Variants in FRG1 observed in about 807,000 individuals in gnomAD.
The protein encoded by FRG1 is FSHD region gene 1.
A neutral mutation model predicts 37.0 loss-of-function variants in FRG1; 19 were observed. That is an observed-to-expected ratio of 0.51 (90% CI 0.36 to 0.75). The LOEUF (loss-of-function observed/expected upper bound fraction) is 0.75, where lower values mean the gene tolerates loss of function less well. Ranked by LOEUF, FRG1 falls within the 30% of genes least tolerant of loss-of-function variation. FRG1 has a pLI of 0.00. For synonymous variants in FRG1, 73 were observed against 96.5 expected (o/e 0.76, Z 1.43); for missense variants, 243 against 301.4 (o/e 0.81, Z 1.44).
chr4:189,952,298 G>A lies in FRG1; in HGVS notation c.259+11G>A. 2 of 1,609,586 alleles carry A rather than the reference G, an allele frequency of 1.2e-6. No homozygotes were observed. The highest frequency in any genetic ancestry group is 2.2e-5 in the South Asian group (2 of 90,608). ...CTCCACACAAAGAAGGTTTGTGTCT[G>A]GAAGGGAAGAGGCTGCCACAAGTGT... is the stretch of plus-strand genomic sequence containing the variant. On this transcript the variant is annotated intron_variant, in intron 3 of 8. Coordinates refer to ENST00000226798, the MANE Select transcript of FRG1 (RefSeq NM_004477.3).
intron 2 of FRG1, among the ~76,000 whole-genome samples, chr4:189,944,185 G>C (rs562988364): frequency 1.3e-5 from 2 of 152,094 alleles, no homozygotes; most frequent in South Asian, 2.1e-4. Context: ...TGGATGAGCA[G>C]CTTTTTTTTG....
chr4:189,954,746 C>T (rs565545501), intron 4 of FRG1, among the ~76,000 whole-genome samples: 7 of 151,924 alleles, frequency 4.6e-5, no homozygotes, highest in South Asian at 2.1e-4. Context: ...ATGTGCATGC[C>T]GCCATGCCCA....
Position 189,960,774 on chromosome 4 carries a change from C to G in FRG1, c.564C>G (p.Thr188=). The G allele has an allele frequency of 6.2e-7, 1 of 1,607,480 alleles. No individual in the cohort carries two copies. The highest frequency in any genetic ancestry group is 8.5e-7 in the Non-Finnish European group (1 of 1,177,760). The change falls in exon 7 of 9, where the codon ACC becomes ACG. Residue 188 remains threonine, a synonymous_variant. Transcript: ENST00000226798. ...TTAGATCCTGTGCTGAAAGAGAAAC[C>G]AAGAAAAAAGATGACATTCCAGAAG... The part of the protein sequence containing the change: ...IKIRSCAERE[T]KKKDDIPEED...
intron 2 of FRG1, among the ~76,000 whole-genome samples, chr4:189,951,553 A>G (rs1165575263): frequency 2.0e-5 from 3 of 152,036 alleles, no homozygotes; most frequent in East Asian, 1.9e-4. Flanking sequence ...TTTAAGAAAC[A>G]TTATGATAGG....
chr4:189,941,873 G>C (rs1281601671), intron 1 of FRG1: 1 of 442,066 alleles, frequency 2.3e-6, no homozygotes, highest in Non-Finnish European at 4.5e-6. Context: ...ATTTCCTCCT[G>C]GTCTCCGTGA....
chr4:189,953,248 T>G, intron 4 of FRG1, 123 bp downstream of exon 4: 1 of 1,361,056 alleles, frequency 7.3e-7, no homozygotes. Flanking sequence ...CAAAATAGCT[T>G]TTTTGAAAAG....
intron 2 of FRG1, among the ~76,000 whole-genome samples, chr4:189,950,532 C>T (rs1222068437): frequency 6.6e-6 from 1 of 152,174 alleles, no homozygotes; most frequent in African/African-American, 2.4e-5. Context: ...TTTTAAGTTA[C>T]TTTTTGTATT....
intron 3 of FRG1, 45 bp downstream of exon 3, chr4:189,952,332 G>C (rs762880357): frequency 1.9e-6 from 3 of 1,588,446 alleles, no homozygotes; most frequent in Non-Finnish European, 2.6e-6. Flanking sequence ...GTAGATTTTA[G>C]GACATTCATT....
intron 5 of FRG1, among the ~76,000 whole-genome samples, chr4:189,955,687 TAG>T (rs1187833838): frequency 6.6e-6 from 1 of 152,196 alleles, no homozygotes; most frequent in Non-Finnish European, 1.5e-5. Context: ...TTTTAGTAAG[TAG>T]ACAGTTGTAT....
At chr4:189,953,917 T>G (rs113501579) in intron 4 of FRG1, among the ~76,000 whole-genome samples, 1 of 152,154 alleles carries the variant, frequency 6.6e-6, no homozygotes, top group Non-Finnish European at 1.5e-5. Context: ...TAAAGAAAAT[T>G]AACTGACAAA....
chr4:189,942,053 G>A (rs1736332033), intron 1 of FRG1: 1 of 201,092 alleles, frequency 5.0e-6, no homozygotes, highest in Non-Finnish European at 1.1e-5. Flanking sequence ...TTTCCTGGGA[G>A]GAGAGGAGAG....
intron 1 of FRG1, 58 bp downstream of exon 1, chr4:189,941,129 C>A (rs951756219): frequency 4.0e-5 from 58 of 1,458,334 alleles, no homozygotes; most frequent in Non-Finnish European, 2.9e-6. Flanking sequence ...CACTCCACCC[C>A]CGCAACTCCG....
intron 4 of FRG1, among the ~76,000 whole-genome samples, chr4:189,953,688 C>T (rs1420198668): frequency 6.6e-6 from 1 of 151,718 alleles, no homozygotes; most frequent in Non-Finnish European, 1.5e-5. Context: ...GTTATATAAT[C>T]ATTAATGTAT....
intron 2 of FRG1, among the ~76,000 whole-genome samples, chr4:189,948,827 A>G (rs1736637783): frequency 1.3e-5 from 2 of 152,290 alleles, no homozygotes; most frequent in African/African-American, 4.8e-5. Flanking sequence ...AGTAGCTGGG[A>G]CCACAGGCTC....
At position 189,953,247 on chromosome 4, in the gene FRG1, T is replaced by C; in HGVS notation, c.317+122T>C. On this transcript the variant is annotated intron_variant, in intron 4 of 8. Transcript: ENST00000226798. ...ATTTTGATGTAAAAAACAAAATAGC[T>C]TTTTTGAAAAGTAGATTTTGTGATC... 2.9e-6 allele frequency: 4 copies of C among 1,360,080 alleles called. No individual in the cohort carries two copies. The South Asian group carries it at 5.9e-5, about 20-fold the overall frequency. The allele number at this position is 1,360,080 out of a possible 1,614,324, so 84.3% of individuals were successfully genotyped here.
intron 2 of FRG1, among the ~76,000 whole-genome samples, chr4:189,951,455 A>C (rs1452098906): frequency 1.3e-5 from 2 of 150,496 alleles, no homozygotes; most frequent in African/African-American, 4.9e-5. Flanking sequence ...GCATCACTGC[A>C]CTCCAGCCTG....
intron 6 of FRG1, among the ~76,000 whole-genome samples, chr4:189,960,475 T>C (rs1737181111): frequency 6.6e-6 from 1 of 152,244 alleles, no homozygotes; most frequent in African/African-American, 2.4e-5. Context: ...CTTTATTTCC[T>C]AGCAGGATCT....
At chr4:189,958,101 G>A (rs1236110676) in intron 6 of FRG1, among the ~76,000 whole-genome samples, 1 of 129,054 alleles carries the variant, frequency 7.7e-6, no homozygotes, top group Admixed American at 7.5e-5. Flanking sequence ...TTTGAATGTA[G>A]AAAGTTTTCT....
At chr4:189,944,007 TTAAC>T (rs1561062823) in intron 2 of FRG1, among the ~76,000 whole-genome samples, 1 of 152,326 alleles carries the variant, frequency 6.6e-6, no homozygotes, top group South Asian at 2.1e-4. Flanking sequence ...AGGTGAATGT[TTAAC>T]TATATAAGAA....
Sources: gnomAD v4.1 joint callset for allele counts (sites outside exome capture counted in the v4.1 genomes callset) on GRCh38, gnomAD v4.1.1 for gene constraint, MANE v1.5 for transcripts, NCBI Gene and HGNC (gene_info 2026-07-23, HGNC 2026-07-21) for gene names.